The following RPSA variants were observed in gnomAD, a reference collection of about 807,000 sequenced individuals.
The protein encoded by RPSA is ribosomal protein SA.
For missense variants in RPSA, 140 were observed against 372.8 expected (o/e 0.38, Z 5.14); for synonymous variants, 103 against 126.7 (o/e 0.81, Z 1.25).
intron 1 of RPSA, 83 bp downstream of exon 1, chr3:39,406,847 G>A: frequency 2.2e-6 from 1 of 456,328 alleles, no homozygotes; most frequent in Non-Finnish European, 4.4e-6. Context: ...GAGAAGACTA[G>A]TGATGAAAGC....
At chr3:39,407,374 T>C (rs1189079564) in intron 1 of RPSA, among the ~76,000 whole-genome samples, 1 of 152,206 alleles carries the variant, frequency 6.6e-6, no homozygotes, top group Non-Finnish European at 1.5e-5. Context: ...TGAGAAGTGT[T>C]GAATTTCCAT....
At position 39,412,517 on chromosome 3, in the gene RPSA, G is replaced by A. The variant is rs2042019079; in HGVS notation, c.*149G>A. The A allele has an allele frequency of 3.3e-6, 2 of 604,820 alleles. No homozygotes were observed. The highest frequency in any genetic ancestry group is 5.9e-6 in the Non-Finnish European group (2 of 341,592). The allele number at this position is 604,820 out of a possible 1,614,324, so 37.5% of individuals were successfully genotyped here. On this transcript the variant is annotated 3_prime_UTR_variant, in exon 7 of 7. Transcript: ENST00000301821. ...TATCAAAGCATAATAATAAATACAT[G>A]TCTCGACATGAGTTGTACTTCTAAA...
rs916056852 is a variant in RPSA at position 39,407,509 on chromosome 3, A to G, written c.-33-112A>G. 1.6e-5 allele frequency: 13 copies of G among 805,600 alleles called. No individual in the cohort carries two copies. In the African/African-American group the frequency reaches 1.8e-4, roughly 11 times the overall value. 49.9% of individuals were successfully genotyped at this position (805,600 alleles called of 1,614,324 possible). A position where few individuals can be genotyped will look rare whatever the true frequency, so the allele number is the denominator to read the frequency against. On this transcript the variant is annotated intron_variant, in intron 1 of 6. Coordinates refer to ENST00000301821, the MANE Select transcript of RPSA (RefSeq NM_002295.6). Reference sequence around the variant, plus strand: ...TAACTTTCTGTTTACCCTTCACTACACTGTAAGCTCAATGCCTGACACTAT... The same window carrying G: ...TAACTTTCTGTTTACCCTTCACTACGCTGTAAGCTCAATGCCTGACACTAT...
chr3:39,411,831 G>T, intron 5 of RPSA, 54 bp downstream of exon 5: 1 of 1,599,296 alleles, frequency 6.3e-7, no homozygotes, highest in Non-Finnish European at 8.5e-7. Flanking sequence ...GACTTGGACT[G>T]TGCTTCTAGG....
chr3:39,408,982 A>T (rs972712947), intron 3 of RPSA: 10 of 393,798 alleles, frequency 2.5e-5, no homozygotes, highest in African/African-American at 1.6e-4. Flanking sequence ...GCTACTCAGG[A>T]GGCCAAAGTG....
chr3:39,409,566 G>A (rs2041975591), intron 3 of RPSA, among the ~76,000 whole-genome samples: 1 of 152,154 alleles, frequency 6.6e-6, no homozygotes, highest in African/African-American at 2.4e-5. Context: ...ATTTCATTTT[G>A]TGTAGACTTG....
intron 3 of RPSA, 50 bp from the exon 4 acceptor site, chr3:39,410,704 G>C: frequency 6.2e-7 from 1 of 1,613,228 alleles, no homozygotes; most frequent in Non-Finnish European, 8.5e-7. Context: ...TGGGTGCCAG[G>C]ATTGTTGCTG....
At chr3:39,409,020 G>C (rs2125593062) in intron 3 of RPSA, 1 of 321,884 alleles carries the variant, frequency 3.1e-6, no homozygotes, top group Admixed American at 4.2e-5. Flanking sequence ...GGTGGGCGGA[G>C]CTTGCAGTGA....
intron 1 of RPSA, chr3:39,406,968 G>T: frequency 2.2e-6 from 1 of 452,092 alleles, no homozygotes; most frequent in South Asian, 1.6e-5. Context: ...AGCGGGTGGA[G>T]GCCGCCCTCC....
rs765069735 is a variant in RPSA at position 39,411,867 on chromosome 3, G to A, written c.628-29G>A. The A allele has an allele frequency of 8.1e-6, 13 of 1,599,592 alleles. No homozygotes were observed. In the East Asian group the frequency reaches 1.3e-4, roughly 16 times the overall value. On this transcript the variant is annotated intron_variant, in intron 5 of 6. Coordinates refer to ENST00000301821, the MANE Select transcript of RPSA (RefSeq NM_002295.6). ...AAGCAAAACTTGTCAGTCCCTGTAA[G>A]TCTTTCCTCTTTTTTTTTTGTAACC...
At chr3:39,408,483 A>G (rs1559398795) in intron 2 of RPSA, 123 bp from the exon 3 acceptor site, 2 of 785,106 alleles carry the variant, frequency 2.5e-6, no homozygotes, top group South Asian at 1.4e-5. Flanking sequence ...GATTTTCGCT[A>G]ACACCAGTAG....
chr3:39,411,426 ATTT>A (rs2042004014), intron 4 of RPSA: 1 of 573,518 alleles, frequency 1.7e-6, no homozygotes, highest in Non-Finnish European at 3.1e-6. Context: ...TTGCCCAGAT[ATTT>A]TTTTTAAATG....
rs116377307 is a variant in RPSA at position 39,410,313 on chromosome 3, T to C, written c.253-441T>C. On this transcript the variant is annotated intron_variant, in intron 3 of 6. Transcript: ENST00000301821. ...TATTCATCTTAACTATTTTGACAGA[T>C]TTAAAAATTATGTAGTAAGACTTTA... 4.2e-3 allele frequency: 762 copies of C among 179,336 alleles called. 7 individuals carry two copies. Among genetic ancestry groups the C allele is most frequent in the African/African-American group, 0.016 (696 of 42,718 alleles). The allele number at this position is 179,336 out of a possible 1,614,324, so 11.1% of individuals were successfully genotyped here. A position where few individuals can be genotyped will look rare whatever the true frequency, so the allele number is the denominator to read the frequency against.
intron 3 of RPSA, chr3:39,409,098 AAGAAAAT>A: frequency 8.7e-6 from 1 of 114,680 alleles, no homozygotes; most frequent in Non-Finnish European, 1.9e-5. Context: ...AAAAAAAAAA[AAGAAAAT>A]AGAAAACTCA....
chr3:39,412,201 G>C (rs551139131), intron 6 of RPSA, 73 bp from the exon 7 acceptor site: 7 of 1,354,202 alleles, frequency 5.2e-6, no homozygotes, highest in South Asian at 4.7e-5. Context: ...ATAGACTGCT[G>C]TTGGGAGTGG....
At chr3:39,408,910 C>T in intron 3 of RPSA, 186 bp downstream of exon 3, 1 of 548,556 alleles carries the variant, frequency 1.8e-6, no homozygotes. Flanking sequence ...CACGGTGAAG[C>T]CCCATCTCTA....
At chr3:39,407,331 G>A (rs1156488088) in intron 1 of RPSA, among the ~76,000 whole-genome samples, 3 of 152,090 alleles carry the variant, frequency 2.0e-5, no homozygotes, top group African/African-American at 7.2e-5. Flanking sequence ...TTGTTAACTT[G>A]GCGCATCCAC....
rs1559398426 is a variant in RPSA, at chr3:39,407,736, C to T, written c.83C>T (p.Thr28Ile). ...GCAGCAGGAACCCACTTAGGTGGCA[C>T]CAATCTTGACTTCCAGATGGAACAG... ...FLAAGTHLGG[T>I]NLDFQMEQYI... is the part of the protein sequence containing the mutation. The change falls in exon 2 of 7, where the codon ACC (threonine) becomes ATC (isoleucine). Residue 28 changes from threonine to isoleucine, a missense_variant. Transcript: ENST00000301821. The T allele has an allele frequency of 7.5e-6, 12 of 1,596,688 alleles. No homozygotes were observed. The highest frequency in any genetic ancestry group is 1.0e-5 in the Non-Finnish European group (12 of 1,178,358).
Position 39,408,793 on chromosome 3 carries a change from G to C in RPSA, c.252+69G>C, listed in dbSNP as rs2041958676. On this transcript the variant is annotated intron_variant, in intron 3 of 6. Coordinates refer to ENST00000301821, the MANE Select transcript of RPSA (RefSeq NM_002295.6). ...TTACAGACATTGTGAGACATAGAAA[G>C]ACATAAGAAAACAGAAATAACTCAG... 4 of 945,594 alleles carry C rather than the reference G, an allele frequency of 4.2e-6. No homozygotes were observed. The Admixed American group carries it at 6.9e-5, about 16-fold the overall frequency. 58.6% of individuals were successfully genotyped at this position (945,594 alleles called of 1,614,324 possible).
Sources: gnomAD v4.1 joint callset for allele counts (sites outside exome capture counted in the v4.1 genomes callset) on GRCh38, gnomAD v4.1.1 for gene constraint, MANE v1.5 for transcripts, NCBI Gene and HGNC (gene_info 2026-07-23, HGNC 2026-07-21) for gene names.